The following ZFPM2 variants were observed in gnomAD, a reference collection of about 807,000 sequenced individuals.
ZFPM2 encodes zinc finger protein ZFPM2.
A neutral mutation model predicts 98.6 loss-of-function variants in ZFPM2; 20 were observed. That is an observed-to-expected ratio of 0.20 (90% CI 0.14 to 0.29). ZFPM2 has a LOEUF of 0.29. Among genes scored for constraint, ZFPM2 ranks in the 10% least tolerant of loss-of-function variants. The pLI is 1.00. For missense variants in ZFPM2, 1,310 were observed against 1,388.6 expected (o/e 0.94, Z 0.90); for synonymous variants, 518 against 502.7 (o/e 1.03, Z -0.41).
At chr8:105,636,238 T>C (rs117412130) in intron 5 of ZFPM2, among the ~76,000 whole-genome samples, 1,840 of 152,278 alleles carry the variant, frequency 0.012, 22 homozygotes, top group Middle Eastern at 0.024. Flanking sequence ...ATTCTATGTT[T>C]AGTGGAGTAT....
intron 5 of ZFPM2, among the ~76,000 whole-genome samples, chr8:105,709,082 A>G (rs1239392024): frequency 1.3e-5 from 2 of 152,172 alleles, no homozygotes; most frequent in African/African-American, 4.8e-5. Flanking sequence ...GAGAAAGGGG[A>G]GAACCTGAAC....
At chr8:105,319,054 G>T (rs1459475686) in intron 1 of ZFPM2, 73 bp downstream of exon 1, 3 of 1,439,768 alleles carry the variant, frequency 2.1e-6, no homozygotes, top group East Asian at 3.0e-5. Flanking sequence ...CGGGAAAGCG[G>T]TGGGTGGGTG....
chr8:105,799,780 C>CTG (rs1813947196), intron 7 of ZFPM2, among the ~76,000 whole-genome samples: 1 of 152,120 alleles, frequency 6.6e-6, no homozygotes, highest in Non-Finnish European at 1.5e-5. Context: ...ACCTATAATA[C>CTG]AAACCTTGTA....
chr8:105,667,013 A>G (rs1817501811), intron 5 of ZFPM2, among the ~76,000 whole-genome samples: 1 of 152,206 alleles, frequency 6.6e-6, no homozygotes. Flanking sequence ...GCCTGAGTTA[A>G]AAGTGGAATT....
At chr8:105,385,139 TA>T (rs2129899357) in intron 1 of ZFPM2, among the ~76,000 whole-genome samples, 1 of 152,336 alleles carries the variant, frequency 6.6e-6, no homozygotes, top group Non-Finnish European at 1.5e-5. Flanking sequence ...TTTAAAATAA[TA>T]AAACAACACC....
intron 5 of ZFPM2, among the ~76,000 whole-genome samples, chr8:105,640,432 C>T (rs1281876075): frequency 6.6e-6 from 1 of 152,024 alleles, no homozygotes; most frequent in Non-Finnish European, 1.5e-5. Context: ...ATGTAGACGG[C>T]TGCACAGCAA....
chr8:105,611,704 T>G (rs1816310911), intron 4 of ZFPM2, among the ~76,000 whole-genome samples: 1 of 151,830 alleles, frequency 6.6e-6, no homozygotes, highest in Non-Finnish European at 1.5e-5. Flanking sequence ...AAAAAAATTT[T>G]TTTTTTTTTT....
intron 3 of ZFPM2, among the ~76,000 whole-genome samples, chr8:105,550,600 G>T (rs768269503): frequency 6.6e-6 from 1 of 152,060 alleles, no homozygotes; most frequent in East Asian, 1.9e-4. Context: ...GAGAAAATAC[G>T]TACAAATCAC....
intron 5 of ZFPM2, among the ~76,000 whole-genome samples, chr8:105,781,110 G>A (rs372760521): frequency 6.6e-6 from 1 of 152,098 alleles, no homozygotes; most frequent in African/African-American, 2.4e-5. Context: ...AAAATATACT[G>A]AAGCCCAAAC....
chr8:105,469,267 A>G (rs2130339634), intron 3 of ZFPM2, among the ~76,000 whole-genome samples: 1 of 152,272 alleles, frequency 6.6e-6, no homozygotes, highest in Non-Finnish European at 1.5e-5. Flanking sequence ...GCTCACTCTT[A>G]AGTTAATTGC....
At chr8:105,783,016 T>C (rs10505086) in intron 5 of ZFPM2, among the ~76,000 whole-genome samples, 24,622 of 111,866 alleles carry the variant, frequency 0.22, 3,187 homozygotes, top group African/African-American at 0.45. Flanking sequence ...GGAACTAAAT[T>C]GTTCAAAAAT....
chr8:105,787,819 G>A (rs1813464766), intron 5 of ZFPM2, among the ~76,000 whole-genome samples: 1 of 152,142 alleles, frequency 6.6e-6, no homozygotes, highest in South Asian at 2.1e-4. Flanking sequence ...AGGCCTGAGA[G>A]TGTAGATAAC....
intron 1 of ZFPM2, among the ~76,000 whole-genome samples, chr8:105,377,101 A>G (rs949977015): frequency 1.3e-5 from 2 of 151,970 alleles, no homozygotes; most frequent in Non-Finnish European, 2.9e-5. Context: ...CCCTGTCTTG[A>G]ATGCTCTTCC....
At chr8:105,719,399 T>A (rs73305056) in intron 5 of ZFPM2, among the ~76,000 whole-genome samples, 7,931 of 151,904 alleles carry the variant, frequency 0.052, 698 homozygotes, top group African/African-American at 0.18. Flanking sequence ...TGGTGCTGAA[T>A]AAAACAAAAG....
intron 1 of ZFPM2, among the ~76,000 whole-genome samples, chr8:105,343,039 A>G (rs1174024722): frequency 6.6e-6 from 1 of 152,112 alleles, no homozygotes; most frequent in Non-Finnish European, 1.5e-5. Flanking sequence ...GGCTTTTACT[A>G]TGGTTCAGTG....
intron 1 of ZFPM2, among the ~76,000 whole-genome samples, chr8:105,345,642 A>G (rs1298755686): frequency 6.6e-6 from 1 of 151,908 alleles, no homozygotes; most frequent in Non-Finnish European, 1.5e-5. Context: ...GAAGAGGAAG[A>G]CATACTGTTC....
intron 5 of ZFPM2, among the ~76,000 whole-genome samples, chr8:105,666,724 G>A (rs1384334940): frequency 6.6e-6 from 1 of 152,008 alleles, no homozygotes; most frequent in Non-Finnish European, 1.5e-5. Flanking sequence ...AGCAATGATG[G>A]GTGAAACTGC....
chr8:105,329,649 G>T (rs1272909434), intron 1 of ZFPM2, among the ~76,000 whole-genome samples: 1 of 151,714 alleles, frequency 6.6e-6, no homozygotes, highest in Non-Finnish European at 1.5e-5. Context: ...TTTCTGGGAT[G>T]AAAAATTACT....
At chr8:105,581,606 T>A (rs774108809) in intron 4 of ZFPM2, among the ~76,000 whole-genome samples, 1 of 152,170 alleles carries the variant, frequency 6.6e-6, no homozygotes, top group African/African-American at 2.4e-5. Context: ...ATGGATATAA[T>A]GGGCAAAAAG....
Sources: gnomAD v4.1 joint callset for allele counts (sites outside exome capture counted in the v4.1 genomes callset) on GRCh38, gnomAD v4.1.1 for gene constraint, MANE v1.5 for transcripts, NCBI Gene and HGNC (gene_info 2026-07-23, HGNC 2026-07-21) for gene names.